PTPRT: variants seen among roughly 807,000 people sequenced by gnomAD.
PTPRT encodes protein tyrosine phosphatase receptor type T.
PTPRT carries 56 observed loss-of-function variants against 176.8 expected under a neutral mutation model. That is an observed-to-expected ratio of 0.32 (90% CI 0.26 to 0.40). The LOEUF is 0.40. Among genes scored for constraint, PTPRT ranks in the 10% least tolerant of loss-of-function variants. The pLI is 1.00. For missense variants in PTPRT, 1,540 were observed against 1,908.2 expected, an observed-to-expected ratio of 0.81 and a Z score of 3.60; for synonymous variants, 783 against 739.0, an observed-to-expected ratio of 1.06 and a Z score of -0.96.
intron 2 of PTPRT, among the ~76,000 whole-genome samples, chr20:42,833,576 C>A (rs954036586): frequency 3.3e-5 from 5 of 151,376 alleles, no homozygotes; most frequent in African/African-American, 1.2e-4. Flanking sequence ...AAGCGAGGCC[C>A]CATCTCATTT....
At chr20:42,600,586 G>A (rs540882306) in intron 7 of PTPRT, among the ~76,000 whole-genome samples, 3 of 152,204 alleles carry the variant, frequency 2.0e-5, no homozygotes, top group South Asian at 4.1e-4. Flanking sequence ...GCGCCGATAG[G>A]TAGTATTTCA....
At chr20:42,268,768 C>T (rs533658182) in intron 13 of PTPRT, among the ~76,000 whole-genome samples, 1 of 152,306 alleles carries the variant, frequency 6.6e-6, no homozygotes, top group African/African-American at 2.4e-5. Flanking sequence ...CAGTGACACA[C>T]TGGAGTACAG....
intron 1 of PTPRT, among the ~76,000 whole-genome samples, chr20:42,936,464 T>G (rs1980200188): frequency 6.6e-6 from 1 of 152,146 alleles, no homozygotes. Context: ...CTCATAAGCA[T>G]TTGTAAGGAC....
At chr20:42,063,402 G>C in the PTPRT span, 1 of 152,166 alleles carries the variant, frequency 6.6e-6, no homozygotes, top group East Asian at 1.9e-4. Flanking sequence ...TTGAGGCCCT[G>C]CTGGGGGTGA....
At chr20:42,262,408 C>T (rs1462368336) in intron 13 of PTPRT, among the ~76,000 whole-genome samples, 5 of 152,190 alleles carry the variant, frequency 3.3e-5, no homozygotes, top group African/African-American at 1.2e-4. Context: ...TGGGCCAACA[C>T]CATGAGATCC....
chr20:42,184,495 C>A (rs1458456255), intron 16 of PTPRT, among the ~76,000 whole-genome samples: 11 of 142,088 alleles, frequency 7.7e-5, no homozygotes, highest in Non-Finnish European at 1.5e-4. Flanking sequence ...CCTCCTTCCT[C>A]CCCCCTTCCT....
At chr20:42,344,620 G>A (rs6102788) in intron 11 of PTPRT, among the ~76,000 whole-genome samples, 101,652 of 152,032 alleles carry the variant, frequency 0.67, 34,182 homozygotes, top group East Asian at 0.91. Context: ...GATGTGGCCA[G>A]TGTGAACCGG....
intron 7 of PTPRT, among the ~76,000 whole-genome samples, chr20:42,573,905 C>T (rs925582935): frequency 4.6e-5 from 7 of 152,102 alleles, no homozygotes; most frequent in South Asian, 4.2e-4. Flanking sequence ...CGTGCCACCA[C>T]GCCCGGTTAA....
chr20:42,508,127 T>TGTGTGTG (rs1555871976), intron 7 of PTPRT, among the ~76,000 whole-genome samples: 11 of 146,702 alleles, frequency 7.5e-5, no homozygotes, highest in African/African-American at 2.8e-4. Context: ...ATTACCCTTT[T>TGTGTGTG]TGTGTGTGTG....
chr20:42,148,017 G>A (rs1231857587), intron 17 of PTPRT, among the ~76,000 whole-genome samples: 1 of 152,184 alleles, frequency 6.6e-6, no homozygotes, highest in African/African-American at 2.4e-5. Flanking sequence ...AGCAAGCTAA[G>A]GGCATTATTT....
chr20:42,522,612 C>A (rs1016444935), intron 7 of PTPRT, among the ~76,000 whole-genome samples: 9 of 152,002 alleles, frequency 5.9e-5, no homozygotes, highest in African/African-American at 2.2e-4. Context: ...AGGTGTGTGC[C>A]ACCACACCCA....
intron 1 of PTPRT, among the ~76,000 whole-genome samples, chr20:43,163,461 A>G (rs1368436885): frequency 1.3e-5 from 2 of 152,034 alleles, no homozygotes; most frequent in East Asian, 3.9e-4. Context: ...ACATGGTGAA[A>G]CCCCGTCTCT....
chr20:42,821,862 A>T (rs553746924), intron 2 of PTPRT, among the ~76,000 whole-genome samples: 2 of 152,340 alleles, frequency 1.3e-5, no homozygotes, highest in East Asian at 3.9e-4. Context: ...AAGGGATGTG[A>T]AAGATCTCTT....
Position 42,791,445 on chromosome 20 carries a change from C to A in PTPRT, c.236G>T (p.Ser79Ile), listed in dbSNP as rs1441265694. ...VPTGSFMMVN[S>I]SGRASGQKAH... ...CTTCTGGCCAGAGGCTCTCCCAGAG[C>A]TGTTCACCATCATGAAAGATCCTGG... The change falls in exon 3 of 31, where the codon AGC (serine) becomes ATC (isoleucine). Residue 79 changes from serine to isoleucine, a missense_variant. By Grantham distance (142) the Ser-to-Ile change is moderately radical. Around this residue, in one of 11 missense-constraint regions of PTPRT, gnomAD observed 116 missense variants for 118.5 expected, o/e 0.98. Coordinates refer to ENST00000373187, the MANE Select transcript of PTPRT (RefSeq NM_007050.6). 6.2e-7 allele frequency: 1 copy of A among 1,612,476 alleles called. No individual in the cohort carries two copies. The highest frequency in any genetic ancestry group is 1.7e-5 in the Admixed American group (1 of 59,658).
intron 15 of PTPRT, among the ~76,000 whole-genome samples, chr20:42,207,191 A>T (rs1159962138): frequency 6.6e-6 from 1 of 152,158 alleles, no homozygotes; most frequent in South Asian, 2.1e-4. Flanking sequence ...AAAGATGGGG[A>T]AAAAACAGAA....
intron 2 of PTPRT, among the ~76,000 whole-genome samples, chr20:42,822,516 A>G (rs1303404498): frequency 1.3e-5 from 2 of 152,228 alleles, no homozygotes; most frequent in East Asian, 3.9e-4. Context: ...CAAAAATGCC[A>G]AAAGCAATTG....
intron 1 of PTPRT, among the ~76,000 whole-genome samples, chr20:42,949,461 T>C (rs1306465518): frequency 2.0e-5 from 3 of 152,226 alleles, no homozygotes; most frequent in African/African-American, 7.2e-5. Context: ...TTCTCAGCCC[T>C]GGTGCTAGTC....
chr20:42,349,193 C>A (rs1446829527), intron 11 of PTPRT, among the ~76,000 whole-genome samples: 1 of 152,188 alleles, frequency 6.6e-6, no homozygotes, highest in Non-Finnish European at 1.5e-5. Flanking sequence ...CTGCATGCAT[C>A]TCTCTAGTAG....
chr20:42,776,531 C>T (rs2077138049), intron 4 of PTPRT, among the ~76,000 whole-genome samples: 1 of 152,220 alleles, frequency 6.6e-6, no homozygotes, highest in South Asian at 2.1e-4. Flanking sequence ...AAAGAAAGAG[C>T]CTCAGGAGAA....
Sources: allele counts gnomAD v4.1 joint callset (sites outside exome capture counted in the v4.1 genomes callset), GRCh38; gene constraint gnomAD v4.1.1; regional missense constraint gnomAD v4.1.1; transcripts MANE v1.5; gene names NCBI Gene and HGNC (gene_info 2026-07-23, HGNC 2026-07-21).